The following CFAP77 variants were observed in gnomAD, a reference collection of about 807,000 sequenced individuals.
CFAP77 encodes the protein cilia and flagella associated protein 77.
A neutral mutation model predicts 31.1 loss-of-function variants in CFAP77; 25 were observed. The ratio of observed to expected loss-of-function variants is 0.80; its 90% confidence interval spans 0.59 to 1.12. The LOEUF (loss-of-function observed/expected upper bound fraction) is 1.12. Among genes scored for constraint, CFAP77 ranks in the 50% most tolerant of loss-of-function variants. CFAP77 has a pLI of 0.00. For synonymous variants in CFAP77, 151 were observed against 159.9 expected, an observed-to-expected ratio of 0.94 and a Z score of 0.42; for missense variants, 377 against 397.3, an observed-to-expected ratio of 0.95 and a Z score of 0.44.
At position 132,545,991 on chromosome 9, in the gene CFAP77, C is replaced by T. The variant is rs1169026224; in HGVS notation, c.732+2944C>T. On this transcript the variant is annotated intron_variant, in intron 5 of 5. Transcript: ENST00000393216. This position sits in a 1 kb window ranked among gnomAD's most constrained non-coding sequence, Gnocchi z 4.6. ...TAACTGGGCAATTTTTTTCATCTTG[C>T]TCAGTAAAATGTGAGCCCCCCAGGA... 5.3e-5 allele frequency among the ~76,000 whole-genome samples: 8 copies of T among 152,160 alleles called. No individual in the cohort carries two copies. Among genetic ancestry groups the T allele is most frequent in the Admixed American group, 5.2e-4 (8 of 15,274 alleles).
intron 3 of CFAP77, among the ~76,000 whole-genome samples, chr9:132,504,453 A>G (rs1195199741): frequency 1.3e-5 from 2 of 152,264 alleles, no homozygotes; most frequent in Non-Finnish European, 2.9e-5. Flanking sequence ...CTGTGATGGT[A>G]AATGGGCTTT....
Position 132,486,040 on chromosome 9 carries a change from ATG to A in CFAP77, c.196-12653_196-12652del, listed in dbSNP as rs1471220186. The stretch of plus-strand genomic sequence containing the variant: ...TATATATATATATATATATATATAT[ATG>A]TATGTATATGTATGTGTGTGTGTGT... On this transcript the variant is annotated intron_variant, in intron 1 of 5. Coordinates refer to ENST00000393216, the MANE Select transcript of CFAP77 (RefSeq NM_001282957.2). 4.6e-3 allele frequency among the ~76,000 whole-genome samples: 149 copies of A among 32,348 alleles called. 12 individuals carry two copies. Among genetic ancestry groups the A allele is most frequent in the African/African-American group, 0.014 (33 of 2,290 alleles). The allele number at this position is 32,348 out of a possible 152,430, so 21.2% of individuals were successfully genotyped here.
intron 1 of CFAP77, among the ~76,000 whole-genome samples, chr9:132,440,334 C>G (rs1346185757): frequency 1.3e-5 from 2 of 151,878 alleles, no homozygotes; most frequent in African/African-American, 4.8e-5. Flanking sequence ...GAGACCCTGT[C>G]TCAAAATAAT....
intron 1 of CFAP77, among the ~76,000 whole-genome samples, chr9:132,464,361 TA>T (rs970983367): frequency 3.4e-5 from 5 of 147,198 alleles, no homozygotes; most frequent in East Asian, 2.0e-4. Flanking sequence ...CACCCCAATT[TA>T]AAAAAAAAAC....
chr9:132,474,734 C>T (rs1220137872), intron 1 of CFAP77, among the ~76,000 whole-genome samples: 3 of 152,158 alleles, frequency 2.0e-5, no homozygotes, highest in Non-Finnish European at 4.4e-5. Flanking sequence ...AAATGGTGCG[C>T]GTGACTCAGG....
intron 3 of CFAP77, among the ~76,000 whole-genome samples, chr9:132,536,454 C>T (rs960191403): frequency 7.0e-6 from 1 of 143,624 alleles, no homozygotes; most frequent in Non-Finnish European, 1.5e-5. Context: ...AGTGCAGTGA[C>T]GTGATCTTGG....
chr9:132,426,543 T>C (rs1292090256), intron 1 of CFAP77, among the ~76,000 whole-genome samples: 1 of 151,110 alleles, frequency 6.6e-6, no homozygotes, highest in Non-Finnish European at 1.5e-5. Context: ...TTCTATATTA[T>C]AATGACTTTG....
At chr9:132,462,226 A>G (rs1424820420) in intron 1 of CFAP77, among the ~76,000 whole-genome samples, 1 of 151,456 alleles carries the variant, frequency 6.6e-6, no homozygotes. Flanking sequence ...AGCCAGCCCC[A>G]GTGCCTGTGG....
intron 1 of CFAP77, among the ~76,000 whole-genome samples, chr9:132,419,133 G>A (rs1395055550): frequency 6.6e-6 from 1 of 152,156 alleles, no homozygotes; most frequent in Non-Finnish European, 1.5e-5. Context: ...CAAAAGGATT[G>A]TGGAAAACAC....
Position 132,458,525 on chromosome 9 carries a change from C to T in CFAP77, c.196-40170C>T, listed in dbSNP as rs1041847758. 2.6e-5 allele frequency among the ~76,000 whole-genome samples: 4 copies of T among 152,296 alleles called. No individual in the cohort carries two copies. The South Asian group carries it at 6.2e-4, about 24-fold the overall frequency. On this transcript the variant is annotated intron_variant, in intron 1 of 5. Transcript: ENST00000393216. ...TCAGCAGAAGAAAATGTTTATTCCT[C>T]TTCATAGGTCAGGTCCGCACAGGAC...
At chr9:132,513,495 A>G in intron 3 of CFAP77, 1 of 1,005,284 alleles carries the variant, frequency 9.9e-7, no homozygotes, top group Non-Finnish European at 1.4e-6. Context: ...CATGCTTTCC[A>G]CCCAGCGTGC....
At chr9:132,524,654 T>G (rs1006408178) in intron 3 of CFAP77, among the ~76,000 whole-genome samples, 2 of 152,046 alleles carry the variant, frequency 1.3e-5, no homozygotes, top group African/African-American at 4.8e-5. Context: ...ATTTATTTAT[T>G]TATTTATTTA....
At chr9:132,506,972 C>T (rs1023680468) in intron 3 of CFAP77, among the ~76,000 whole-genome samples, 2 of 152,140 alleles carry the variant, frequency 1.3e-5, no homozygotes, top group African/African-American at 4.8e-5. Context: ...GGACTCTGCT[C>T]ATGTTTTTCC....
At chr9:132,413,143 G>A (rs1850038422) in intron 1 of CFAP77, among the ~76,000 whole-genome samples, 1 of 152,146 alleles carries the variant, frequency 6.6e-6, no homozygotes, top group Non-Finnish European at 1.5e-5. Flanking sequence ...CCAATGAATA[G>A]GATCAGCATT....
At chr9:132,423,870 G>A (rs1309369619) in intron 1 of CFAP77, among the ~76,000 whole-genome samples, 1 of 152,198 alleles carries the variant, frequency 6.6e-6, no homozygotes, top group African/African-American at 2.4e-5. Flanking sequence ...ATGCCACACT[G>A]CCCGTTACCC....
At chr9:132,487,446 T>C (rs533334159) in intron 1 of CFAP77, among the ~76,000 whole-genome samples, 4 of 152,088 alleles carry the variant, frequency 2.6e-5, no homozygotes, top group South Asian at 2.1e-4. Flanking sequence ...TAGAAACATA[T>C]AACTTAACTC....
At chr9:132,557,128 TGTGTGTGTGCAGG>T (rs765518232) in intron 5 of CFAP77, among the ~76,000 whole-genome samples, 1 of 151,958 alleles carries the variant, frequency 6.6e-6, no homozygotes, top group Non-Finnish European at 1.5e-5. Context: ...CATCCTGGGG[TGTGTGTGTGCAGG>T]GTGTGTGTTG....
intron 1 of CFAP77, among the ~76,000 whole-genome samples, chr9:132,463,027 G>C (rs749585922): frequency 3.9e-5 from 6 of 152,134 alleles, no homozygotes; most frequent in African/African-American, 9.7e-5. Context: ...CAGCAGTCCA[G>C]AGTGGGCTGG....
chr9:132,484,780 C>A (rs1374692213), intron 1 of CFAP77, among the ~76,000 whole-genome samples: 1 of 151,138 alleles, frequency 6.6e-6, no homozygotes, highest in Non-Finnish European at 1.5e-5. Flanking sequence ...CACCTGTTTT[C>A]AATTCCTTTG....
Sources: allele counts gnomAD v4.1 joint callset (sites outside exome capture counted in the v4.1 genomes callset), GRCh38; gene constraint gnomAD v4.1.1; non-coding constraint Gnocchi (gnomAD v3.1); transcripts MANE v1.5; gene names NCBI Gene and HGNC (gene_info 2026-07-23, HGNC 2026-07-21).